The following RACK1 variants were observed in gnomAD, a reference collection of about 807,000 sequenced individuals.
The protein encoded by RACK1 is receptor for activated C kinase 1.
Under a neutral mutation model 42.2 loss-of-function variants are expected in RACK1, and 3 were observed. The observed-to-expected ratio is 0.07, with a 90% CI of 0.03 to 0.18. RACK1 has a LOEUF of 0.18. Among genes scored for constraint, RACK1 ranks in the 10% least tolerant of loss-of-function variants. The pLI, the probability that RACK1 is intolerant of heterozygous loss-of-function variation, is 1.00. For missense variants in RACK1, 146 were observed against 403.2 expected, an observed-to-expected ratio of 0.36 and a Z score of 5.46; for synonymous variants, 181 against 154.8, an observed-to-expected ratio of 1.17 and a Z score of -1.25.
chr5:181,238,811 A>G, intron 5 of RACK1: 1 of 465,730 alleles, frequency 2.1e-6, no homozygotes, highest in Non-Finnish European at 3.9e-6. Flanking sequence ...AAAAAAAACA[A>G]AAAACAAACA....
intron 1 of RACK1, chr5:181,243,428 T>C (rs1307388225): frequency 2.7e-6 from 4 of 1,505,712 alleles, no homozygotes; most frequent in African/African-American, 2.8e-5. Flanking sequence ...AGGCAAAAGA[T>C]ATTTTAAAAG....
At chr5:181,241,875 T>C (rs773878127) in intron 2 of RACK1, 5 of 768,238 alleles carry the variant, frequency 6.5e-6, no homozygotes, top group Non-Finnish European at 1.2e-5. Context: ...GACAATGCCA[T>C]CTGTCATCAC....
intron 7 of RACK1, 50 bp from the exon 8 acceptor site, chr5:181,237,092 G>GTCTC (rs760103350): frequency 1.3e-4 from 212 of 1,609,986 alleles, no homozygotes; most frequent in Non-Finnish European, 1.6e-4. Context: ...AAATTCTGCA[G>GTCTC]TCTCACTAGA....
At chr5:181,241,444 G>C in intron 3 of RACK1, 48 bp downstream of exon 3, 18 of 1,098,128 alleles carry the variant, frequency 1.6e-5, no homozygotes, top group African/African-American at 1.1e-4. Context: ...AAAAAAAAAA[G>C]CAAAGTTTAA....
chr5:181,242,416 T>A, intron 1 of RACK1, 71 bp from the exon 2 acceptor site: 1 of 1,055,432 alleles, frequency 9.5e-7, no homozygotes, highest in Non-Finnish European at 1.4e-6. Context: ...GATAATTCAC[T>A]AAGTGTCAAG....
At chr5:181,241,443 A>AAAAAAAAAT in intron 3 of RACK1, 49 bp downstream of exon 3, 2 of 1,485,796 alleles carry the variant, frequency 1.3e-6, no homozygotes, top group Non-Finnish European at 1.8e-6. Context: ...AAAAAAAAAA[A>AAAAAAAAAT]GCAAAGTTTA....
chr5:181,243,095 A>C (rs11249778), intron 1 of RACK1: 53,507 of 417,264 alleles, frequency 0.13, 3,865 homozygotes, highest in Non-Finnish European at 0.15. Context: ...AACCTGTCCC[A>C]CTCAACAAAT....
At chr5:181,243,133 A>G in intron 1 of RACK1, 2 of 577,130 alleles carry the variant, frequency 3.5e-6, no homozygotes, top group South Asian at 3.4e-5. Flanking sequence ...GACATGATTC[A>G]AAAGTCAGAC....
At chr5:181,238,664 T>C (rs1759224446) in intron 5 of RACK1, 1 of 355,744 alleles carries the variant, frequency 2.8e-6, no homozygotes, top group African/African-American at 2.1e-5. Flanking sequence ...TACCCAGGAG[T>C]GATGGCGGGT....
At chr5:181,243,553 C>A in intron 1 of RACK1, 139 bp downstream of exon 1, 1 of 1,391,656 alleles carries the variant, frequency 7.2e-7, no homozygotes, top group Non-Finnish European at 9.7e-7. Flanking sequence ...CCCCAATTCA[C>A]AATGGGGCAG....
chr5:181,237,276 G>C, intron 7 of RACK1: 1 of 792,982 alleles, frequency 1.3e-6, no homozygotes. Context: ...GTAAGAAACC[G>C]CTCTCATTTC....
chr5:181,242,931 C>T (rs3776878), intron 1 of RACK1: 29,503 of 329,800 alleles, frequency 0.089, 2,169 homozygotes, highest in East Asian at 0.27. Flanking sequence ...AACTCAACAG[C>T]CACTTTGTGT....
intron 1 of RACK1, chr5:181,242,935 T>C (rs1026004293): frequency 3.0e-6 from 1 of 331,462 alleles, no homozygotes; most frequent in East Asian, 8.9e-5. Flanking sequence ...CAACAGCCAC[T>C]TTGTGTCTTC....
chr5:181,236,903 G>T lies in RACK1; in HGVS notation c.*74C>A. 2 of 1,515,936 alleles carry T rather than the reference G, an allele frequency of 1.3e-6. No individual in the cohort carries two copies. The highest frequency in any genetic ancestry group is 8.8e-7 in the Non-Finnish European group (1 of 1,136,936). The allele number at this position is 1,515,936 out of a possible 1,614,324, so 93.9% of individuals were successfully genotyped here. On this transcript the variant is annotated 3_prime_UTR_variant, in exon 8 of 8. Coordinates refer to ENST00000512805, the MANE Select transcript of RACK1 (RefSeq NM_006098.5). The stretch of plus-strand genomic sequence containing the variant: ...AATGTAGATAGAATGGAGCTTTTTT[G>T]CATATAAGAAAAAAAAACCTAAAAG...
chr5:181,243,327 C>T lies in RACK1; in HGVS notation c.109+365G>A, dbSNP rs752372368. The T allele has an allele frequency of 2.9e-6, 4 of 1,366,166 alleles. No homozygotes were observed. The Admixed American group carries it at 7.6e-5, about 26-fold the overall frequency. 84.6% of individuals were successfully genotyped at this position (1,366,166 alleles called of 1,614,324 possible). ...GGCCGGGCGGCAGCTCAGAAACAGC[C>T]TCTGGATTTCAGCACCGACACTCAG... On this transcript the variant is annotated intron_variant, in intron 1 of 7. Coordinates refer to ENST00000512805, the MANE Select transcript of RACK1 (RefSeq NM_006098.5).
Position 181,242,276 on chromosome 5 carries a change from C to T in RACK1, c.179G>A (p.Arg60Gln), listed in dbSNP as rs1464273130. The change falls in exon 2 of 8, where the codon CGG (arginine) becomes CAG (glutamine). Residue 60 changes from arginine to glutamine, a missense_variant. By Grantham distance (43) the Arg-to-Gln change is conservative. Transcript: ENST00000512805. Reference protein sequence around the residue: ...TNYGIPQRALRGHSHFVSDVV... With the variant: ...TNYGIPQRALQGHSHFVSDVV... ...ATCACTAACAAAGTGGGAGTGACCC[C>T]GCAGAGCACGCTGTGGAATTCCATA... The T allele has an allele frequency of 4.3e-6, 7 of 1,613,516 alleles. No individual in the cohort carries two copies. The highest frequency in any genetic ancestry group is 5.9e-6 in the Non-Finnish European group (7 of 1,179,534).
intron 2 of RACK1, 52 bp from the exon 3 acceptor site, chr5:181,241,691 C>A (rs375545127): frequency 1.9e-6 from 3 of 1,580,000 alleles, no homozygotes; most frequent in African/African-American, 2.7e-5. Flanking sequence ...TCTCATTCAA[C>A]GGTCAGACTC....
chr5:181,242,710 G>A (rs1357222962), intron 1 of RACK1: 1 of 353,906 alleles, frequency 2.8e-6, no homozygotes, highest in Non-Finnish European at 5.6e-6. Context: ...TGGCCAGCTG[G>A]CACCTGCCAG....
In RACK1 at chr5:181,237,645, G is replaced by C; in HGVS notation, c.852C>G (p.Pro284=). ...VISTSSKAEP[P]QCTSLAWSAD... is the part of the protein sequence containing the mutation. ...CAGACCAGGCCAGGGAGGTGCACTG[G>C]GGTGGTTCTGCCTTGCTGCTGGTAC... Residue 284 remains proline, a synonymous_variant, in exon 7 of 8, where the codon CCC becomes CCG. Transcript: ENST00000512805. The C allele has an allele frequency of 6.2e-7, 1 of 1,610,796 alleles. No homozygotes were observed. Among genetic ancestry groups the C allele is most frequent in the Non-Finnish European group, 8.5e-7 (1 of 1,176,966 alleles).
Sources: gnomAD v4.1 joint callset for allele counts on GRCh38, gnomAD v4.1.1 for gene constraint, MANE v1.5 for transcripts, NCBI Gene and HGNC (gene_info 2026-07-23, HGNC 2026-07-21) for gene names.